FAT3: variants seen among roughly 807,000 people sequenced by gnomAD.
FAT3 encodes FAT atypical cadherin 3, also known as protocadherin Fat 3.
In FAT3, 95 loss-of-function variants were observed where a neutral mutation model predicts 310.2. The ratio of observed to expected loss-of-function variants is 0.31; its 90% CI spans 0.26 to 0.36. FAT3 has a LOEUF of 0.36. Ranked by LOEUF, FAT3 falls within the 10% of genes least tolerant of loss-of-function variation. The pLI, the probability that FAT3 is intolerant of heterozygous loss-of-function variation, is 1.00. For synonymous variants in FAT3, 2,314 were observed against 2,192.9 expected (o/e 1.06, Z -1.54); for missense variants, 5,408 against 5,715.6 (o/e 0.95, Z 1.74).
intron 4 of FAT3, among the ~76,000 whole-genome samples, chr11:92,726,567 A>G (rs2135986675): frequency 6.6e-6 from 1 of 152,270 alleles, no homozygotes; most frequent in Non-Finnish European, 1.5e-5. Flanking sequence ...AGATGGAAAG[A>G]TACTCAGATG....
At chr11:92,522,638 G>A (rs1232609209) in intron 2 of FAT3, among the ~76,000 whole-genome samples, 1 of 152,104 alleles carries the variant, frequency 6.6e-6, no homozygotes, top group Non-Finnish European at 1.5e-5. Flanking sequence ...AACTCTGGTT[G>A]GACAGAGGAT....
At chr11:92,534,524 G>T (rs999852588) in intron 3 of FAT3, among the ~76,000 whole-genome samples, 1 of 152,168 alleles carries the variant, frequency 6.6e-6, no homozygotes, top group Admixed American at 6.5e-5. Flanking sequence ...GGGTTGAATT[G>T]TTCCCCAAAA....
At chr11:92,430,327 C>T (rs1249320501) in intron 2 of FAT3, among the ~76,000 whole-genome samples, 1 of 152,162 alleles carries the variant, frequency 6.6e-6, no homozygotes, top group African/African-American at 2.4e-5. Flanking sequence ...CTGAAGCCTA[C>T]TTCTGTCAAT....
intron 4 of FAT3, among the ~76,000 whole-genome samples, chr11:92,748,088 G>A (rs2263500): frequency 0.25 from 37,648 of 152,094 alleles, 5,762 homozygotes; most frequent in African/African-American, 0.43. Flanking sequence ...TGCTGCTAAT[G>A]AAGACATACT....
chr11:92,645,638 CT>C (rs1254747615), intron 3 of FAT3, among the ~76,000 whole-genome samples: 2 of 151,958 alleles, frequency 1.3e-5, no homozygotes, highest in Admixed American at 6.6e-5. Context: ...TCTTTGTTTG[CT>C]TTTTTTTAGG....
At chr11:92,387,085 T>A (rs1251843249) in intron 2 of FAT3, among the ~76,000 whole-genome samples, 1 of 141,858 alleles carries the variant, frequency 7.0e-6, no homozygotes, top group Non-Finnish European at 1.6e-5. Flanking sequence ...TGTGTGTGTG[T>A]GTGTGTGTGT....
chr11:92,245,352 G>A (rs1864857762), intron 1 of FAT3, among the ~76,000 whole-genome samples: 1 of 151,864 alleles, frequency 6.6e-6, no homozygotes, highest in South Asian at 2.1e-4. Context: ...GGGGTGGCGG[G>A]CTAGGGGAGG....
intron 3 of FAT3, among the ~76,000 whole-genome samples, chr11:92,665,735 C>T (rs1322289148): frequency 6.6e-6 from 1 of 152,134 alleles, no homozygotes; most frequent in Non-Finnish European, 1.5e-5. Context: ...AGAGTCCTCC[C>T]CTCCTCTCTT....
At chr11:92,526,305 A>C (rs1432009183) in intron 3 of FAT3, among the ~76,000 whole-genome samples, 1 of 152,164 alleles carries the variant, frequency 6.6e-6, no homozygotes, top group Non-Finnish European at 1.5e-5. Flanking sequence ...CACTTTGCAA[A>C]TTTAAGAGTG....
intron 1 of FAT3, among the ~76,000 whole-genome samples, chr11:92,312,721 A>G (rs1443177232): frequency 6.6e-6 from 1 of 152,158 alleles, no homozygotes; most frequent in Non-Finnish European, 1.5e-5. Flanking sequence ...GGATAATAAT[A>G]TGGGTTTCCC....
At chr11:92,878,648 A>AC (rs1949593800) in intron 22 of FAT3, among the ~76,000 whole-genome samples, 1 of 130,774 alleles carries the variant, frequency 7.6e-6, no homozygotes, top group Non-Finnish European at 1.5e-5. Context: ...AAAAAAAAAA[A>AC]AAAAAAAAAA....
chr11:92,868,332 C>T (rs759261406), intron 22 of FAT3, among the ~76,000 whole-genome samples: 1 of 152,190 alleles, frequency 6.6e-6, no homozygotes, highest in Non-Finnish European at 1.5e-5. Flanking sequence ...GTTACTACCA[C>T]AATGAGGGCC....
intron 19 of FAT3, among the ~76,000 whole-genome samples, chr11:92,850,325 C>T (rs1011719066): frequency 6.6e-6 from 1 of 152,110 alleles, no homozygotes; most frequent in Non-Finnish European, 1.5e-5. Context: ...GTGGAGGTCC[C>T]CATCCTGGTG....
intron 19 of FAT3, among the ~76,000 whole-genome samples, chr11:92,856,508 T>C (rs1430406463): frequency 1.3e-5 from 2 of 152,228 alleles, no homozygotes; most frequent in Non-Finnish European, 2.9e-5. Flanking sequence ...TCAGTTAATC[T>C]GCTTTCCAGG....
intron 3 of FAT3, among the ~76,000 whole-genome samples, chr11:92,604,377 C>T (rs990222173): frequency 7.2e-5 from 11 of 152,144 alleles, no homozygotes; most frequent in African/African-American, 1.4e-4. Context: ...CTTCCTTCTA[C>T]GTCTACAGTA....
intron 1 of FAT3, among the ~76,000 whole-genome samples, chr11:92,348,343 A>G (rs969954935): frequency 2.0e-5 from 3 of 152,224 alleles, no homozygotes; most frequent in Non-Finnish European, 4.4e-5. Context: ...TTAAGAAAAC[A>G]ATTCCAGCAA....
At chr11:92,411,745 G>A (rs1565295314) in intron 2 of FAT3, among the ~76,000 whole-genome samples, 2 of 151,648 alleles carry the variant, frequency 1.3e-5, no homozygotes, top group Admixed American at 1.3e-4. Context: ...TACAATGAAA[G>A]ATTTATTTTT....
intron 3 of FAT3, among the ~76,000 whole-genome samples, chr11:92,637,002 C>T (rs1941789525): frequency 3.3e-5 from 5 of 152,210 alleles, no homozygotes; most frequent in African/African-American, 9.6e-5. Context: ...TCATCCTCCT[C>T]CAACTTGCCC....
chr11:92,584,148 G>T (rs1026042709), intron 3 of FAT3, among the ~76,000 whole-genome samples: 3 of 151,824 alleles, frequency 2.0e-5, no homozygotes, highest in Non-Finnish European at 4.4e-5. Flanking sequence ...GGATCTTTTT[G>T]AATCTCCATA....
Sources: allele counts gnomAD v4.1 joint callset (sites outside exome capture counted in the v4.1 genomes callset), GRCh38; gene constraint gnomAD v4.1.1; transcripts MANE v1.5; gene names NCBI Gene and HGNC (gene_info 2026-07-23, HGNC 2026-07-21).